Variants in GRAMD1B observed in about 807,000 individuals in gnomAD.
GRAMD1B encodes GRAM domain containing 1B.
Under a neutral mutation model 99.7 loss-of-function variants are expected in GRAMD1B, and 37 were observed. The ratio of observed to expected loss-of-function variants is 0.37; its 90% CI spans 0.29 to 0.49. The LOEUF (loss-of-function observed/expected upper bound fraction) is 0.49, where lower values mean the gene tolerates loss of function less well. GRAMD1B is among the 20% of genes least tolerant of loss of function. The pLI is 0.98. For missense variants in GRAMD1B, 888 were observed against 1,009.2 expected, an observed-to-expected ratio of 0.88 and a Z score of 1.63; for synonymous variants, 427 against 387.6, an observed-to-expected ratio of 1.10 and a Z score of -1.19.
At chr11:123,592,877 C>T (rs1039013668) in intron 4 of GRAMD1B, among the ~76,000 whole-genome samples, 4 of 151,958 alleles carry the variant, frequency 2.6e-5, no homozygotes, top group Non-Finnish European at 5.9e-5. Context: ...CGGTGCTCCT[C>T]ATTTGTGGGC....
At chr11:123,539,878 A>C (rs975319312) in intron 2 of GRAMD1B, among the ~76,000 whole-genome samples, 2 of 152,222 alleles carry the variant, frequency 1.3e-5, no homozygotes, top group Non-Finnish European at 2.9e-5. Context: ...TATCCTCCAG[A>C]ATTTAGTTTC....
intron 1 of GRAMD1B, among the ~76,000 whole-genome samples, chr11:123,469,017 C>T (rs560105260): frequency 6.6e-6 from 1 of 151,872 alleles, no homozygotes; most frequent in East Asian, 1.9e-4. Context: ...ACATCAGCAG[C>T]GTAGGTGGAA....
In GRAMD1B at chr11:123,577,426, C is replaced by G. The variant is rs760044799; in HGVS notation, c.512C>G (p.Ser171Cys). 2 of 1,601,028 alleles carry G rather than the reference C, an allele frequency of 1.2e-6. No homozygotes were observed. The highest frequency in any genetic ancestry group is 3.4e-5 in the Admixed American group (2 of 58,318). Residue 171 changes from serine to cysteine, a missense_variant, in exon 3 of 20, where the codon TCT becomes TGT. Coordinates refer to ENST00000635736, the MANE Select transcript of GRAMD1B (RefSeq NM_001387025.1). ...TGCTCGCCCATCCTCCGGAAGCGGTCTCGCTCGCCAACCCCGCAGAACCAG... is the reference window on the plus strand; with the variant it reads ...TGCTCGCCCATCCTCCGGAAGCGGTGTCGCTCGCCAACCCCGCAGAACCAG... ...PACSPILRKRSRSPTPQNQDG... is the reference protein window; with the variant it reads ...PACSPILRKRCRSPTPQNQDG...
intron 1 of GRAMD1B, among the ~76,000 whole-genome samples, chr11:123,468,551 C>T (rs1035242462): frequency 4.6e-5 from 7 of 152,072 alleles, no homozygotes; most frequent in South Asian, 2.1e-4. Flanking sequence ...CCTGGCACTT[C>T]GGGAGGCTGA....
rs1396302039 is a variant in GRAMD1B at position 123,610,444 on chromosome 11, G to A, written c.1919+106G>A. 4.6e-6 allele frequency: 5 copies of A among 1,093,842 alleles called. No individual in the cohort carries two copies. The African/African-American group carries it at 7.7e-5, about 17-fold the overall frequency. The allele number at this position is 1,093,842 out of a possible 1,614,324, so 67.8% of individuals were successfully genotyped here. On this transcript the variant is annotated intron_variant, in intron 14 of 19. Coordinates refer to ENST00000635736, the MANE Select transcript of GRAMD1B (RefSeq NM_001387025.1). This position sits in a 1 kb window ranked among gnomAD's most constrained non-coding sequence, Gnocchi z 4.1. ...AGGAGGTGGGGAGTGCTTGGCTGCT[G>A]ACTCTCTTTATTCTACTTTCTCTCC...
intron 16 of GRAMD1B, 106 bp downstream of exon 16, chr11:123,613,764 T>A: frequency 1.3e-6 from 1 of 749,476 alleles, no homozygotes; most frequent in South Asian, 1.8e-5. Context: ...TTGGCTATAA[T>A]TTGTATATAA....
At chr11:123,563,030 G>A (rs956922752) in intron 2 of GRAMD1B, among the ~76,000 whole-genome samples, 1 of 152,228 alleles carries the variant, frequency 6.6e-6, no homozygotes, top group African/African-American at 2.4e-5. Context: ...AGAAAGTTGA[G>A]ATCACCCGGA....
At chr11:123,617,046 C>T (rs1274612958) in intron 17 of GRAMD1B, among the ~76,000 whole-genome samples, 2 of 152,184 alleles carry the variant, frequency 1.3e-5, no homozygotes, top group Admixed American at 6.5e-5. Flanking sequence ...ACCAGAAGCA[C>T]GGATGACACA....
chr11:123,419,495 G>T (rs1216089165), intron 1 of GRAMD1B, among the ~76,000 whole-genome samples: 1 of 152,162 alleles, frequency 6.6e-6, no homozygotes, highest in East Asian at 1.9e-4. Flanking sequence ...GCCGGCTGTG[G>T]TGGCACATGT....
At chr11:123,424,262 A>G (rs1010047931) in intron 1 of GRAMD1B, among the ~76,000 whole-genome samples, 4 of 151,632 alleles carry the variant, frequency 2.6e-5, no homozygotes, top group East Asian at 1.9e-4. Context: ...CCAAAAAAAA[A>G]AAAAAAAAGA....
intron 2 of GRAMD1B, among the ~76,000 whole-genome samples, chr11:123,549,752 T>C (rs1945430853): frequency 6.6e-6 from 1 of 152,098 alleles, no homozygotes; most frequent in Admixed American, 6.5e-5. Flanking sequence ...GGGTTTTGGA[T>C]TGCAGCATGT....
intron 3 of GRAMD1B, among the ~76,000 whole-genome samples, chr11:123,583,040 GTGTATATATGTGTGTCTC>G (rs1307087685): frequency 4.6e-5 from 7 of 151,942 alleles, no homozygotes; most frequent in Non-Finnish European, 7.4e-5. Flanking sequence ...GAATGTATGT[GTGTATATATGTGTGTCTC>G]TGTATATGTG....
At chr11:123,390,181 C>A (rs189740247) in intron 1 of GRAMD1B, among the ~76,000 whole-genome samples, 77 of 147,160 alleles carry the variant, frequency 5.2e-4, no homozygotes, top group African/African-American at 1.9e-3. Context: ...TTGGAAAGAA[C>A]CTCAAAAGTC....
At chr11:123,520,598 C>G (rs1238974688) in intron 2 of GRAMD1B, among the ~76,000 whole-genome samples, 1 of 151,496 alleles carries the variant, frequency 6.6e-6, no homozygotes, top group Admixed American at 6.6e-5. Flanking sequence ...CAGCGAAACC[C>G]CATCTCTACA....
chr11:123,498,218 C>T lies in GRAMD1B; in HGVS notation c.452+17325C>T, dbSNP rs561742580. Among the ~76,000 whole-genome samples the T allele has an allele frequency of 3.7e-4, 57 of 152,312 alleles. 1 individual carries two copies. The highest frequency in any genetic ancestry group is 1.3e-3 in the African/African-American group (56 of 41,580). On this transcript the variant is annotated intron_variant, in intron 2 of 19. Transcript: ENST00000635736. ...CTGGGGACCCCAAGAGCCTGCTTGG[C>T]GCTCTTCCTCACTGTGGTCAAGCTT...
At chr11:123,498,174 C>T (rs191719929) in intron 2 of GRAMD1B, among the ~76,000 whole-genome samples, 15 of 152,216 alleles carry the variant, frequency 9.9e-5, no homozygotes, top group Non-Finnish European at 1.9e-4. Context: ...AAATGCTGAC[C>T]ACGAGCCTTG....
intron 1 of GRAMD1B, among the ~76,000 whole-genome samples, chr11:123,410,179 G>C (rs1462850068): frequency 6.6e-6 from 1 of 150,542 alleles, no homozygotes. Context: ...TTTGGGACAA[G>C]AAAAAAGGAG....
At position 123,584,334 on chromosome 11, in the gene GRAMD1B, T is replaced by C; in HGVS notation, c.684+2T>C. On this transcript the variant is annotated splice_donor_variant, in intron 4 of 19. Transcript: ENST00000635736. LOFTEE classifies it high-confidence loss of function. Reference sequence around the variant, plus strand: ...CAGAAAAGCCAGAGTTGGTATAATGTAAGTATTCCTGTTTCCCTTCTTGTT... The same window carrying C: ...CAGAAAAGCCAGAGTTGGTATAATGCAAGTATTCCTGTTTCCCTTCTTGTT... 1.9e-6 allele frequency: 1 copy of C among 514,894 alleles called. No individual in the cohort carries two copies. Among genetic ancestry groups the C allele is most frequent in the South Asian group, 3.6e-5 (1 of 27,590 alleles). The allele number at this position is 514,894 out of a possible 1,614,324, so 31.9% of individuals were successfully genotyped here.
chr11:123,515,744 A>T (rs572823634), intron 2 of GRAMD1B, among the ~76,000 whole-genome samples: 1 of 152,270 alleles, frequency 6.6e-6, no homozygotes, highest in South Asian at 2.1e-4. Flanking sequence ...CACAAAATTT[A>T]AAAGGTCATG....
Sources: gnomAD v4.1 joint callset for allele counts (sites outside exome capture counted in the v4.1 genomes callset) on GRCh38, gnomAD v4.1.1 for gene constraint, Gnocchi (gnomAD v3.1) non-coding constraint, MANE v1.5 for transcripts, NCBI Gene and HGNC (gene_info 2026-07-23, HGNC 2026-07-21) for gene names.